EBF4: variants seen among roughly 807,000 people sequenced by gnomAD.
The protein encoded by EBF4 is EBF transcription factor 4.
A neutral mutation model predicts 67.1 loss-of-function variants in EBF4; 34 were observed. That is an observed-to-expected ratio of 0.51 (90% confidence interval 0.39 to 0.67). The LOEUF (loss-of-function observed/expected upper bound fraction) is 0.67. Ranked by LOEUF, EBF4 falls within the 30% of genes least tolerant of loss-of-function variation. The pLI is 0.00. For missense variants in EBF4, 837 were observed against 873.3 expected (o/e 0.96, Z 0.52); for synonymous variants, 387 against 377.7 (o/e 1.02, Z -0.29).
intron 1 of EBF4, among the ~76,000 whole-genome samples, chr20:2,698,985 T>C (rs1187426950): frequency 6.6e-6 from 1 of 152,084 alleles, no homozygotes; most frequent in Non-Finnish European, 1.5e-5. Flanking sequence ...ATAACAAGCA[T>C]GCAGTCAAGG....
In EBF4 at chr20:2,733,893, C is replaced by T. The variant is rs148576329; in HGVS notation, c.558-14656C>T. On this transcript the variant is annotated intron_variant, in intron 6 of 16. Coordinates refer to ENST00000609451, the Ensembl canonical transcript of EBF4. ...CAGGCTAATTCAAAGCCAACCTGGG[C>T]TGCATGTGCCCCGTGGGTCGCAGGT... Among the ~76,000 whole-genome samples, 396 of 151,532 alleles carry T rather than the reference C, an allele frequency of 2.6e-3. 3 individuals are homozygous for T. Among genetic ancestry groups the T allele is most frequent in the African/African-American group, 8.7e-3 (360 of 41,338 alleles).
intron 1 of EBF4, among the ~76,000 whole-genome samples, chr20:2,698,427 G>C (rs1481944017): frequency 6.6e-6 from 1 of 152,244 alleles, no homozygotes; most frequent in Non-Finnish European, 1.5e-5. Context: ...GGGCTGGCAT[G>C]TCAGGGGCTG....
At chr20:2,700,960 C>T (rs7266960) in intron 1 of EBF4, among the ~76,000 whole-genome samples, 16,859 of 152,286 alleles carry the variant, frequency 0.11, 1,005 homozygotes, top group Admixed American at 0.15. Flanking sequence ...TTCTCCAAGC[C>T]TGGCAGGGCT....
chr20:2,737,920 G>C (rs1045988754), intron 6 of EBF4, among the ~76,000 whole-genome samples: 1 of 150,738 alleles, frequency 6.6e-6, no homozygotes, highest in African/African-American at 2.4e-5. Context: ...AGCCGAGATC[G>C]CGCCATTGCA....
At position 2,693,878 on chromosome 20, in the gene EBF4, A is replaced by G; in HGVS notation, c.137+96A>G. The G allele has an allele frequency of 8.0e-7, 1 of 1,246,516 alleles. No homozygotes were observed. The highest frequency in any genetic ancestry group is 1.6e-5 in the African/African-American group (1 of 64,448). 77.2% of individuals were successfully genotyped at this position (1,246,516 alleles called of 1,614,324 possible). A position where few individuals can be genotyped will look rare whatever the true frequency, so the allele number is the denominator to read the frequency against. ...AGCTGCTGGAGCCAGGGGCGGAAGG[A>G]GCCCTAACTCTGGACGGTCCCGGCG... On this transcript the variant is annotated intron_variant, in intron 1 of 16. Transcript: ENST00000609451. This position sits in a 1 kb window ranked among gnomAD's most constrained non-coding sequence, Gnocchi z 4.6.
At chr20:2,758,045 G>A (rs2088272443) in intron 15 of EBF4, among the ~76,000 whole-genome samples, 2 of 152,212 alleles carry the variant, frequency 1.3e-5, no homozygotes, top group South Asian at 2.1e-4. Context: ...ATGACAGAGC[G>A]GCTTAAAGGA....
chr20:2,706,305 T>C (rs1172907504), intron 4 of EBF4, 41 bp downstream of exon 4: 1 of 1,549,198 alleles, frequency 6.5e-7, no homozygotes, highest in African/African-American at 1.4e-5. Context: ...TCTCACTCTC[T>C]TCCCGGACCC....
chr20:2,733,463 G>C (rs1368727586), intron 6 of EBF4, among the ~76,000 whole-genome samples: 2 of 152,092 alleles, frequency 1.3e-5, no homozygotes, highest in East Asian at 1.9e-4. Flanking sequence ...TCATTACTGA[G>C]CACATTTAGG....
intron 6 of EBF4, among the ~76,000 whole-genome samples, chr20:2,723,506 C>A (rs1037939977): frequency 6.6e-6 from 1 of 151,390 alleles, no homozygotes; most frequent in African/African-American, 2.4e-5. Context: ...GCCGCCACCA[C>A]GCCCGGCTAA....
In EBF4 at chr20:2,752,346, C is replaced by G; in HGVS notation, c.1352-11C>G. 1 of 1,202,124 alleles carries G rather than the reference C, an allele frequency of 8.3e-7. No individual in the cohort carries two copies. The highest frequency in any genetic ancestry group is 1.0e-6 in the Non-Finnish European group (1 of 970,816). 74.5% of individuals were successfully genotyped at this position (1,202,124 alleles called of 1,614,324 possible). ...GGCACCGCCCCCTGACGGCCGCGCTCTCTCTCGCAGGCTACGCGCGCAGCT... is the reference window on the plus strand; with the variant it reads ...GGCACCGCCCCCTGACGGCCGCGCTGTCTCTCGCAGGCTACGCGCGCAGCT... On this transcript the variant is annotated splice_polypyrimidine_tract_variant and intron_variant, in intron 13 of 16. Coordinates refer to ENST00000609451, the Ensembl canonical transcript of EBF4.
rs760960480 is a variant in EBF4, at chr20:2,707,455, CT to C, written c.415-491del. Among the ~76,000 whole-genome samples the C allele has an allele frequency of 5.9e-5, 9 of 152,154 alleles. No individual in the cohort carries two copies. The South Asian group carries it at 1.5e-3, about 25-fold the overall frequency. On this transcript the variant is annotated intron_variant, in intron 4 of 16. Transcript: ENST00000609451. The surrounding 1 kb of genome is among the most constrained non-coding windows in gnomAD (Gnocchi z 4.6). ...GTATGGGGGAAGAGGCGATAGTTAT[CT>C]AGGGGGAAGAGGCAGCTGTGCAGCC...
At chr20:2,710,911 G>T (rs2087534546) in intron 6 of EBF4, among the ~76,000 whole-genome samples, 2 of 152,162 alleles carry the variant, frequency 1.3e-5, no homozygotes, top group African/African-American at 4.8e-5. Context: ...GGAGGCTGAG[G>T]CAGGGGGATT....
intron 6 of EBF4, among the ~76,000 whole-genome samples, chr20:2,736,312 T>C (rs1401839057): frequency 1.3e-5 from 2 of 152,132 alleles, no homozygotes; most frequent in African/African-American, 2.4e-5. Context: ...AGTGACACTA[T>C]TGGAATAGTT....
chr20:2,713,867 T>C (rs2087574501), intron 6 of EBF4, among the ~76,000 whole-genome samples: 1 of 151,974 alleles, frequency 6.6e-6, no homozygotes. Context: ...GGATTCAGGG[T>C]TGAATTGGTA....
At chr20:2,743,905 G>A (rs746360604) in intron 6 of EBF4, among the ~76,000 whole-genome samples, 2 of 151,926 alleles carry the variant, frequency 1.3e-5, no homozygotes, top group Non-Finnish European at 1.5e-5. Flanking sequence ...AATACATTTT[G>A]GCTAAGTATA....
rs2088076292 is a variant in EBF4, at chr20:2,747,981, C to T, written c.558-568C>T. ...TGAGTAATAGTATCCAAGGCATAAA[C>T]AGTGTCTACAAAGAATGTGCTGTGT... On this transcript the variant is annotated intron_variant, in intron 6 of 16. Transcript: ENST00000609451. This position sits in a 1 kb window ranked among gnomAD's most constrained non-coding sequence, Gnocchi z 4.6. Among the ~76,000 whole-genome samples the T allele has an allele frequency of 6.6e-6, 1 of 152,054 alleles. No homozygotes were observed. Among genetic ancestry groups the T allele is most frequent in the African/African-American group, 2.4e-5 (1 of 41,374 alleles).
chr20:2,702,657 G>T (rs763116880), intron 1 of EBF4, among the ~76,000 whole-genome samples: 13 of 152,208 alleles, frequency 8.5e-5, no homozygotes, highest in Admixed American at 6.5e-4. Context: ...TTATGGCTTA[G>T]CCTGAAGCCA....
chr20:2,757,110 G>C (rs2088257060), intron 15 of EBF4, among the ~76,000 whole-genome samples: 1 of 152,166 alleles, frequency 6.6e-6, no homozygotes, highest in Non-Finnish European at 1.5e-5. Context: ...GGCAGGGGCA[G>C]GTGGGGCAGC....
Position 2,707,674 on chromosome 20 carries a change from C to T in EBF4, c.415-273C>T, listed in dbSNP as rs1344429542. On this transcript the variant is annotated intron_variant, in intron 4 of 16. Transcript: ENST00000609451. The surrounding 1 kb of genome is among the most constrained non-coding windows in gnomAD (Gnocchi z 4.6). ...TTTGTCCTGGCACCCTGAGGAACCC[C>T]CTGCCCCAAGCAGAGCCAGCTCTGG... 1.3e-5 allele frequency among the ~76,000 whole-genome samples: 2 copies of T among 152,126 alleles called. No individual in the cohort carries two copies. The highest frequency in any genetic ancestry group is 4.8e-5 in the African/African-American group (2 of 41,422).
Sources: gnomAD v4.1 joint callset for allele counts (sites outside exome capture counted in the v4.1 genomes callset) on GRCh38, gnomAD v4.1.1 for gene constraint, Gnocchi (gnomAD v3.1) non-coding constraint, MANE v1.5 for transcripts, NCBI Gene and HGNC (gene_info 2026-07-23, HGNC 2026-07-21) for gene names.